ZMYND11: variants seen among roughly 807,000 people sequenced by gnomAD.
ZMYND11 encodes zinc finger MYND-type containing 11, also known as zinc finger MYND domain-containing protein 11.
A neutral mutation model predicts 84.9 loss-of-function variants in ZMYND11; 9 were observed. The observed-to-expected ratio is 0.11, with a 90% CI of 0.06 to 0.18. ZMYND11 has a LOEUF of 0.18. Among genes scored for constraint, ZMYND11 ranks in the 10% least tolerant of loss-of-function variants. The pLI, the probability that ZMYND11 is intolerant of heterozygous loss-of-function variation, is 1.00. For synonymous variants in ZMYND11, 250 were observed against 244.1 expected, an observed-to-expected ratio of 1.02 and a Z score of -0.23; for missense variants, 409 against 761.0, an observed-to-expected ratio of 0.54 and a Z score of 5.44.
At chr10:246,041 G>T (rs1281009897) in intron 10 of ZMYND11, among the ~76,000 whole-genome samples, 1 of 152,110 alleles carries the variant, frequency 6.6e-6, no homozygotes, top group Admixed American at 6.6e-5. Flanking sequence ...ACAACATTTG[G>T]GATGGATACA....
chr10:188,069 A>T (rs1428030237), intron 2 of ZMYND11, among the ~76,000 whole-genome samples: 1 of 152,224 alleles, frequency 6.6e-6, no homozygotes, highest in East Asian at 1.9e-4. Flanking sequence ...TAAATGCTAA[A>T]TTATAGCTAG....
In ZMYND11 at chr10:224,346, A is replaced by G. The variant is rs114368950; in HGVS notation, c.438+2990A>G. ...TTCATAATAAATCTCTAGAATCTAT[A>G]ACCCTAAGAATAGTTCTTTGGAATG... On this transcript the variant is annotated intron_variant, in intron 4 of 14. Coordinates refer to ENST00000381604, the MANE Select transcript of ZMYND11 (RefSeq NM_001370100.5). 2.7e-3 allele frequency among the ~76,000 whole-genome samples: 415 copies of G among 152,354 alleles called. 1 individual carries two copies. The highest frequency in any genetic ancestry group is 9.7e-3 in the African/African-American group (404 of 41,588).
intron 7 of ZMYND11, 125 bp downstream of exon 7, chr10:239,650 G>A (rs1032278836): frequency 2.6e-6 from 2 of 757,884 alleles, no homozygotes; most frequent in African/African-American, 1.8e-5. Context: ...CAAGTTTAGA[G>A]TATAAGGTTA....
rs1282281550 is a variant in ZMYND11 at position 253,779 on chromosome 10, G to C, written c.*1309G>C. ...AGAATAATTTGTACATATTTATTTA[G>C]ACCTTTGATATTTATTAAAGCAATT... On this transcript the variant is annotated 3_prime_UTR_variant, in exon 15 of 15. Coordinates refer to ENST00000381604, the MANE Select transcript of ZMYND11 (RefSeq NM_001370100.5). 6.6e-6 allele frequency: 1 copy of C among 152,470 alleles called. No individual in the cohort carries two copies. Among genetic ancestry groups the C allele is most frequent in the Non-Finnish European group, 1.5e-5 (1 of 68,026 alleles). 9.4% of individuals were successfully genotyped at this position (152,470 alleles called of 1,614,324 possible).
intron 2 of ZMYND11, among the ~76,000 whole-genome samples, chr10:198,838 C>T (rs993581911): frequency 1.3e-5 from 2 of 152,114 alleles, no homozygotes; most frequent in African/African-American, 2.4e-5. Context: ...GAGATGCAGG[C>T]GCTAGGATGA....
chr10:154,383 A>G (rs141728102), intron 1 of ZMYND11, among the ~76,000 whole-genome samples: 233 of 152,308 alleles, frequency 1.5e-3, no homozygotes, highest in Middle Eastern at 6.8e-3. Context: ...GGGGGCCACC[A>G]TAAACGGCAA....
At chr10:217,585 G>A (rs1224202827) in intron 3 of ZMYND11, among the ~76,000 whole-genome samples, 1 of 151,680 alleles carries the variant, frequency 6.6e-6, no homozygotes, top group Non-Finnish European at 1.5e-5. Flanking sequence ...GCAAAGAAAT[G>A]TGCACACATA....
At chr10:210,759 G>C (rs1945081020) in intron 3 of ZMYND11, among the ~76,000 whole-genome samples, 1 of 152,234 alleles carries the variant, frequency 6.6e-6, no homozygotes, top group Admixed American at 6.5e-5. Flanking sequence ...TTGATTTCAT[G>C]TGTAATATTT....
chr10:165,519 C>T (rs1843797796), intron 1 of ZMYND11, among the ~76,000 whole-genome samples: 1 of 152,122 alleles, frequency 6.6e-6, no homozygotes, highest in Non-Finnish European at 1.5e-5. Context: ...CTTAGTCTGT[C>T]TGAAACCAAA....
At chr10:135,135 G>C (rs1835608280), upstream of ZMYND11, 1 of 150,518 alleles carries the variant, frequency 6.6e-6, no homozygotes, top group African/African-American at 2.4e-5. This position sits in a 1 kb window ranked among gnomAD's most constrained non-coding sequence, Gnocchi z 5.6. Flanking sequence ...AACTTTCCCG[G>C]GCGGCGGCGC....
intron 1 of ZMYND11, among the ~76,000 whole-genome samples, chr10:160,080 C>T (rs1842630231): frequency 6.6e-6 from 1 of 152,146 alleles, no homozygotes; most frequent in Non-Finnish European, 1.5e-5. Flanking sequence ...ACAAAATCTT[C>T]TAATATTTCT....
intron 2 of ZMYND11, among the ~76,000 whole-genome samples, chr10:193,492 T>G (rs1434263079): frequency 1.3e-5 from 2 of 152,228 alleles, no homozygotes; most frequent in African/African-American, 4.8e-5. Context: ...CTCAACAGTC[T>G]TCAATGATAT....
At position 253,533 on chromosome 10, in the gene ZMYND11, A is replaced by C. The variant is rs1953883780; in HGVS notation, c.*1063A>C. The stretch of plus-strand genomic sequence containing the variant: ...GTATTAAAGATGCCGTGATTTGTAA[A>C]AAGTCTGTATTTTGCGGAATGTCTG... On this transcript the variant is annotated 3_prime_UTR_variant, in exon 15 of 15. Transcript: ENST00000381604. 1 of 152,668 alleles carries C rather than the reference A, an allele frequency of 6.6e-6. No individual in the cohort carries two copies. Among genetic ancestry groups the C allele is most frequent in the Non-Finnish European group, 1.5e-5 (1 of 68,036 alleles). The allele number at this position is 152,668 out of a possible 1,614,324, so 9.5% of individuals were successfully genotyped here.
At chr10:155,847 C>T (rs2131390798) in intron 1 of ZMYND11, among the ~76,000 whole-genome samples, 1 of 152,310 alleles carries the variant, frequency 6.6e-6, no homozygotes, top group Middle Eastern at 3.4e-3. Context: ...TGGCTGTCAT[C>T]ATGGTGATGT....
At chr10:130,346 G>T (rs1835287302), upstream of ZMYND11, among the ~76,000 whole-genome samples, 1 of 152,166 alleles carries the variant, frequency 6.6e-6, no homozygotes, top group Non-Finnish European at 1.5e-5. Flanking sequence ...GTACATTCTT[G>T]TGTCCTTAGG....
chr10:215,121 A>ATAT (rs1292199234), intron 3 of ZMYND11, among the ~76,000 whole-genome samples: 1 of 152,212 alleles, frequency 6.6e-6, no homozygotes, highest in Non-Finnish European at 1.5e-5. Context: ...CAAAGCTAGA[A>ATAT]TATTATTTGA....
chr10:218,566 T>C, intron 3 of ZMYND11: 1 of 273,918 alleles, frequency 3.7e-6, no homozygotes, highest in South Asian at 3.8e-5. Context: ...GTAGTTTCTC[T>C]TTTACCTTAG....
At chr10:242,964 TAACTC>T (rs1454904924) in intron 10 of ZMYND11, among the ~76,000 whole-genome samples, 4 of 151,266 alleles carry the variant, frequency 2.6e-5, no homozygotes, top group African/African-American at 7.3e-5. Context: ...TCCAATAAAA[TAACTC>T]AATACAAAAT....
chr10:142,199 C>G (rs1205458682), intron 1 of ZMYND11, among the ~76,000 whole-genome samples: 1 of 152,132 alleles, frequency 6.6e-6, no homozygotes, highest in Non-Finnish European at 1.5e-5. Flanking sequence ...TTCCTGGGCT[C>G]AAGTGATCCT....
Sources: gnomAD v4.1 joint callset for allele counts (sites outside exome capture counted in the v4.1 genomes callset) on GRCh38, gnomAD v4.1.1 for gene constraint, Gnocchi (gnomAD v3.1) non-coding constraint, MANE v1.5 for transcripts, NCBI Gene and HGNC (gene_info 2026-07-23, HGNC 2026-07-21) for gene names.